ANO2: variants seen among roughly 807,000 people sequenced by gnomAD.
ANO2 encodes anoctamin 2.
Under a neutral mutation model 124.2 loss-of-function variants are expected in ANO2, and 101 were observed. The observed-to-expected ratio is 0.81, with a 90% confidence interval of 0.69 to 0.96. ANO2 has a LOEUF of 0.96. ANO2 is among the 40% of genes least tolerant of loss of function. The pLI, the probability that ANO2 is intolerant of heterozygous loss-of-function variation, is 0.00. For synonymous variants in ANO2, 486 were observed against 482.5 expected (o/e 1.01, Z -0.09); for missense variants, 1,293 against 1,274.5 (o/e 1.01, Z -0.22).
intron 14 of ANO2, among the ~76,000 whole-genome samples, chr12:5,715,284 C>G (rs955123128): frequency 1.3e-5 from 2 of 152,148 alleles, no homozygotes; most frequent in Non-Finnish European, 2.9e-5. Context: ...GAGCTAAAGC[C>G]ATAAAGCCAC....
chr12:5,866,032 T>A (rs1035263500), intron 3 of ANO2, among the ~76,000 whole-genome samples: 1 of 152,224 alleles, frequency 6.6e-6, no homozygotes, highest in African/African-American at 2.4e-5. Flanking sequence ...CCATATGTTT[T>A]TAGCAGAATT....
chr12:5,835,329 A>G (rs1273411422), intron 4 of ANO2, among the ~76,000 whole-genome samples: 1 of 152,176 alleles, frequency 6.6e-6, no homozygotes, highest in African/African-American at 2.4e-5. Context: ...GTTGGGGCAA[A>G]CTGAGATGAG....
intron 14 of ANO2, among the ~76,000 whole-genome samples, chr12:5,698,798 T>C (rs865895796): frequency 1.1e-4 from 17 of 152,158 alleles, no homozygotes; most frequent in African/African-American, 3.9e-4. Flanking sequence ...ATGTGACACA[T>C]GCACAAGCTT....
chr12:5,822,571 G>A (rs189862653), intron 7 of ANO2, among the ~76,000 whole-genome samples: 4 of 152,322 alleles, frequency 2.6e-5, no homozygotes, highest in Admixed American at 2.6e-4. Flanking sequence ...TTCCCAATTT[G>A]CCAGCAGCAG....
chr12:5,913,999 A>G (rs1383421243), intron 3 of ANO2, among the ~76,000 whole-genome samples: 3 of 152,104 alleles, frequency 2.0e-5, no homozygotes, highest in African/African-American at 7.2e-5. Context: ...CAGGAGTTGG[A>G]GACCAGCCTC....
At chr12:5,580,571 T>C (rs1360693330) in intron 20 of ANO2, among the ~76,000 whole-genome samples, 1 of 152,236 alleles carries the variant, frequency 6.6e-6, no homozygotes, top group Non-Finnish European at 1.5e-5. Context: ...TCTGATTTGC[T>C]GTGATGCTAT....
intron 23 of ANO2, among the ~76,000 whole-genome samples, chr12:5,568,119 T>A (rs1046688200): frequency 6.6e-6 from 1 of 150,670 alleles, no homozygotes; most frequent in Non-Finnish European, 1.5e-5. Context: ...CTCTATCTGA[T>A]CCTAACCCAC....
chr12:5,840,712 T>G (rs556707779), intron 4 of ANO2, among the ~76,000 whole-genome samples: 6 of 152,280 alleles, frequency 3.9e-5, no homozygotes, highest in African/African-American at 1.2e-4. Flanking sequence ...CCAGGAGGAA[T>G]GCAGACCAGA....
intron 16 of ANO2, among the ~76,000 whole-genome samples, chr12:5,633,537 C>T (rs1199305974): frequency 6.6e-6 from 1 of 151,998 alleles, no homozygotes; most frequent in African/African-American, 2.4e-5. Context: ...TGAAAAAAAT[C>T]GGAGTCCTCA....
At chr12:5,815,666 G>A (rs1044700596) in intron 7 of ANO2, among the ~76,000 whole-genome samples, 1 of 152,102 alleles carries the variant, frequency 6.6e-6, no homozygotes, top group African/African-American at 2.4e-5. Flanking sequence ...CAGTTCAACT[G>A]TAGAAACTAG....
intron 10 of ANO2, among the ~76,000 whole-genome samples, chr12:5,781,073 A>C (rs1163664689): frequency 1.3e-5 from 2 of 152,212 alleles, no homozygotes; most frequent in African/African-American, 4.8e-5. Flanking sequence ...AGCAATCGAG[A>C]AGGCTCAAGG....
chr12:5,742,561 T>C (rs914101263), intron 12 of ANO2, among the ~76,000 whole-genome samples: 2 of 152,138 alleles, frequency 1.3e-5, no homozygotes, highest in Non-Finnish European at 2.9e-5. Flanking sequence ...GAAGAGGCAG[T>C]TGTTGAAACT....
intron 10 of ANO2, among the ~76,000 whole-genome samples, chr12:5,763,911 A>G (rs1459689677): frequency 6.6e-6 from 1 of 152,234 alleles, no homozygotes; most frequent in African/African-American, 2.4e-5. Flanking sequence ...AAAACTAATC[A>G]AGAAAATAAA....
At chr12:5,567,301 A>G (rs1941825619) in intron 23 of ANO2, among the ~76,000 whole-genome samples, 1 of 152,234 alleles carries the variant, frequency 6.6e-6, no homozygotes, top group African/African-American at 2.4e-5. Flanking sequence ...AAACATGGCC[A>G]GCTCCAGATT....
chr12:5,588,685 A>G (rs1943244168), intron 20 of ANO2, among the ~76,000 whole-genome samples: 1 of 152,214 alleles, frequency 6.6e-6, no homozygotes, highest in Non-Finnish European at 1.5e-5. Context: ...CTCAAAAAAC[A>G]TCTAGAAATC....
chr12:5,709,813 G>A (rs1949745079), intron 14 of ANO2, among the ~76,000 whole-genome samples: 1 of 152,218 alleles, frequency 6.6e-6, no homozygotes, highest in Non-Finnish European at 1.5e-5. Context: ...TGTAAGGACA[G>A]AGCATCTTAG....
chr12:5,641,284 T>C (rs1946379491), intron 15 of ANO2, among the ~76,000 whole-genome samples: 1 of 151,946 alleles, frequency 6.6e-6, no homozygotes, highest in South Asian at 2.1e-4. Flanking sequence ...AATGACAAGT[T>C]AATGGGTGCA....
intron 10 of ANO2, among the ~76,000 whole-genome samples, chr12:5,771,779 T>A (rs192414569): frequency 6.6e-6 from 1 of 152,198 alleles, no homozygotes; most frequent in African/African-American, 2.4e-5. Context: ...AAATAAAAAA[T>A]AAAAATAAAA....
intron 12 of ANO2, among the ~76,000 whole-genome samples, chr12:5,743,398 TG>T: frequency 6.6e-6 from 1 of 152,116 alleles, no homozygotes; most frequent in South Asian, 2.1e-4. Flanking sequence ...CTAATACTCA[TG>T]GGTGTGTCTT....
Sources: gnomAD v4.1 joint callset for allele counts (sites outside exome capture counted in the v4.1 genomes callset) on GRCh38, gnomAD v4.1.1 for gene constraint, MANE v1.5 for transcripts, NCBI Gene and HGNC (gene_info 2026-07-23, HGNC 2026-07-21) for gene names.